CACNA1C: variants seen among roughly 807,000 people sequenced by gnomAD.
CACNA1C encodes the protein voltage-dependent L-type calcium channel subunit alpha-1C.
Under a neutral mutation model 229.0 loss-of-function variants are expected in CACNA1C, and 30 were observed. The ratio of observed to expected loss-of-function variants is 0.13; its 90% CI spans 0.10 to 0.18. The LOEUF is 0.18. Among genes scored for constraint, CACNA1C ranks in the 10% least tolerant of loss-of-function variants. The probability of loss-of-function intolerance (pLI) is 1.00; values close to 1 mark genes in which losing one functional copy is unlikely to be tolerated. For missense variants in CACNA1C, 1,658 were observed against 2,845.0 expected (o/e 0.58, Z 9.49); for synonymous variants, 1,114 against 1,132.5 (o/e 0.98, Z 0.33).
chr12:2,676,978 T>A, intron 39 of CACNA1C, 116 bp from the exon 40 acceptor site: 1 of 812,092 alleles, frequency 1.2e-6, no homozygotes, highest in South Asian at 1.6e-5. Context: ...ATGTATTACC[T>A]CTCCAAAAAT....
intron 3 of CACNA1C, among the ~76,000 whole-genome samples, chr12:2,318,808 G>T (rs941875717): frequency 6.6e-6 from 1 of 151,986 alleles, no homozygotes; most frequent in Admixed American, 6.6e-5. Context: ...GACAGAAGGT[G>T]GGGGACAGGG....
intron 1 of CACNA1C, among the ~76,000 whole-genome samples, chr12:2,093,193 G>A (rs1389277444): frequency 1.3e-5 from 2 of 152,342 alleles, no homozygotes; most frequent in Middle Eastern, 3.4e-3. Context: ...GAGAGTGTAC[G>A]TGGGTATGTG....
intron 7 of CACNA1C, among the ~76,000 whole-genome samples, chr12:2,502,891 C>T (rs928237885): frequency 3.9e-5 from 6 of 152,120 alleles, no homozygotes; most frequent in Non-Finnish European, 7.4e-5. Flanking sequence ...TTGAGCATAG[C>T]CTAGAATCAC....
intron 7 of CACNA1C, among the ~76,000 whole-genome samples, chr12:2,501,753 G>A (rs764287498): frequency 1.3e-4 from 20 of 152,152 alleles, no homozygotes; most frequent in Non-Finnish European, 2.4e-4. Flanking sequence ...TGCACTGTTG[G>A]TTCAGACAGT....
At chr12:2,026,571 A>T (rs2047365532) in intron 1 of CACNA1C, among the ~76,000 whole-genome samples, 1 of 152,198 alleles carries the variant, frequency 6.6e-6, no homozygotes, top group African/African-American at 2.4e-5. Flanking sequence ...AAAATGAGTA[A>T]TTGGATGCGT....
At chr12:2,072,772 A>G (rs974172075) in intron 1 of CACNA1C, among the ~76,000 whole-genome samples, 14 of 152,182 alleles carry the variant, frequency 9.2e-5, no homozygotes, top group African/African-American at 3.4e-4. Context: ...ATATTAGGCT[A>G]ACTCATTCTA....
rs910064895 is a variant in CACNA1C, at chr12:2,285,680, C to G, written c.478-163296C>G. Among the ~76,000 whole-genome samples, 25 of 152,192 alleles carry G rather than the reference C, an allele frequency of 1.6e-4. No individual in the cohort carries two copies. Among genetic ancestry groups the G allele is most frequent in the African/African-American group, 6.0e-4 (25 of 41,456 alleles). ...CGTTCCTAGGCTCCCTTCCACCGTT[C>G]CCTGGTCTCCAAACCCCATGTTCTT... On this transcript the variant is annotated intron_variant, in intron 3 of 46. Transcript: ENST00000399655. This position sits in a 1 kb window ranked among gnomAD's most constrained non-coding sequence, Gnocchi z 4.2.
At chr12:2,080,641 G>T (rs1565559279) in intron 1 of CACNA1C, among the ~76,000 whole-genome samples, 2 of 150,750 alleles carry the variant, frequency 1.3e-5, no homozygotes. Context: ...GGAAGAAATA[G>T]AAAGCATAAT....
chr12:2,662,770 A>G (rs2095833062), intron 34 of CACNA1C, among the ~76,000 whole-genome samples: 1 of 152,246 alleles, frequency 6.6e-6, no homozygotes, highest in Admixed American at 6.5e-5. Context: ...ACAACACAGT[A>G]CTTCTGTACC....
chr12:2,349,285 C>T (rs573109118), intron 3 of CACNA1C, among the ~76,000 whole-genome samples: 2 of 152,278 alleles, frequency 1.3e-5, no homozygotes, highest in Admixed American at 6.5e-5. Context: ...TGAGTGGAAC[C>T]TTGGTGTGGA....
chr12:2,243,005 G>A (rs2071262423), intron 3 of CACNA1C, among the ~76,000 whole-genome samples: 1 of 152,142 alleles, frequency 6.6e-6, no homozygotes, highest in Non-Finnish European at 1.5e-5. Context: ...TGTGTCATTT[G>A]GGTCTTTTAT....
intron 7 of CACNA1C, among the ~76,000 whole-genome samples, chr12:2,500,594 G>C (rs1251054594): frequency 6.6e-6 from 1 of 152,198 alleles, no homozygotes; most frequent in Non-Finnish European, 1.5e-5. Context: ...GCACGTCGTG[G>C]CCTCCTGGAA....
intron 27 of CACNA1C, 72 bp from the exon 28 acceptor site, chr12:2,610,469 C>A: frequency 6.6e-7 from 1 of 1,505,464 alleles, no homozygotes; most frequent in Non-Finnish European, 9.1e-7. Context: ...ACATCCCACA[C>A]TTCTCTGCCA....
At chr12:2,332,588 G>A (rs1240858105) in intron 3 of CACNA1C, among the ~76,000 whole-genome samples, 2 of 152,170 alleles carry the variant, frequency 1.3e-5, no homozygotes, top group Admixed American at 6.5e-5. Context: ...ATGCAAAGAC[G>A]TATGCACAAG....
chr12:2,019,611 A>G (rs929306794), intron 1 of CACNA1C, among the ~76,000 whole-genome samples: 3 of 91,268 alleles, frequency 3.3e-5, no homozygotes, highest in Non-Finnish European at 7.5e-5. Context: ...GAAAGAAAGA[A>G]GAAAGAAAAA....
intron 13 of CACNA1C, among the ~76,000 whole-genome samples, chr12:2,570,784 T>C (rs1568486483): frequency 1.3e-5 from 2 of 152,038 alleles, no homozygotes; most frequent in Non-Finnish European, 2.9e-5. Flanking sequence ...CTGTGAGAAA[T>C]TGGGAGCAGG....
chr12:2,089,421 C>T (rs887383506), intron 1 of CACNA1C, among the ~76,000 whole-genome samples: 4 of 152,180 alleles, frequency 2.6e-5, no homozygotes, highest in Admixed American at 1.3e-4. Context: ...GGACGCCGTG[C>T]GAGGTACTTG....
chr12:2,052,796 T>C (rs1178268095), upstream of CACNA1C, among the ~76,000 whole-genome samples: 2 of 144,118 alleles, frequency 1.4e-5, no homozygotes, highest in Admixed American at 6.9e-5. Context: ...GACTTCGGGC[T>C]CCAGTCCGCC....
chr12:2,021,229 G>A (rs1460191248), intron 1 of CACNA1C, among the ~76,000 whole-genome samples: 1 of 152,166 alleles, frequency 6.6e-6, no homozygotes, highest in Non-Finnish European at 1.5e-5. Flanking sequence ...AGTTGAGGAA[G>A]CTGAGGCTCA....
Sources: gnomAD v4.1 joint callset for allele counts (sites outside exome capture counted in the v4.1 genomes callset) on GRCh38, gnomAD v4.1.1 for gene constraint, Gnocchi (gnomAD v3.1) non-coding constraint, MANE v1.5 for transcripts, NCBI Gene and HGNC (gene_info 2026-07-23, HGNC 2026-07-21) for gene names.